HS6ST3: variants seen among roughly 807,000 people sequenced by gnomAD.
HS6ST3 encodes heparan-sulfate 6-O-sulfotransferase 3.
In HS6ST3, 12 loss-of-function variants were observed where a neutral mutation model predicts 36.7. The observed-to-expected ratio is 0.33, with a 90% CI of 0.21 to 0.53. The LOEUF (loss-of-function observed/expected upper bound fraction) is 0.53. Ranked by LOEUF, HS6ST3 falls within the 20% of genes least tolerant of loss-of-function variation. The pLI is 0.95. For missense variants in HS6ST3, 584 were observed against 640.9 expected, an observed-to-expected ratio of 0.91 and a Z score of 0.96; for synonymous variants, 240 against 257.5, an observed-to-expected ratio of 0.93 and a Z score of 0.65.
At position 96,489,630 on chromosome 13, in the gene HS6ST3, G is replaced by A. The variant is rs35786793; in HGVS notation, c.708-342860G>A. Among the ~76,000 whole-genome samples, 122 of 151,954 alleles carry A rather than the reference G, an allele frequency of 8.0e-4. 1 individual carries two copies. The highest frequency in any genetic ancestry group is 2.0e-3 in the African/African-American group (82 of 41,470). ...ATCATGTCTCTTTCTTTCTTTAGGC[G>A]AGGCTGTAAATGGTAAATAATATTA... On this transcript the variant is annotated intron_variant, in intron 1 of 1. Transcript: ENST00000376705.
At chr13:96,351,110 T>C (rs1315553935) in intron 1 of HS6ST3, among the ~76,000 whole-genome samples, 1 of 152,110 alleles carries the variant, frequency 6.6e-6, no homozygotes, top group African/African-American at 2.4e-5. Context: ...GAGAAATAAT[T>C]AATTATATTG....
intron 1 of HS6ST3, among the ~76,000 whole-genome samples, chr13:96,604,165 C>T (rs1336063376): frequency 6.6e-6 from 1 of 152,118 alleles, no homozygotes; most frequent in Non-Finnish European, 1.5e-5. Flanking sequence ...CGGCCATCTG[C>T]TCTTTTCTCC....
At chr13:96,686,512 G>GT (rs1421382059) in intron 1 of HS6ST3, among the ~76,000 whole-genome samples, 1 of 151,920 alleles carries the variant, frequency 6.6e-6, no homozygotes, top group Non-Finnish European at 1.5e-5. Context: ...TTTGATCATC[G>GT]TTTTTTATTG....
At chr13:96,425,432 A>G (rs2055581834) in intron 1 of HS6ST3, among the ~76,000 whole-genome samples, 2 of 152,212 alleles carry the variant, frequency 1.3e-5, no homozygotes, top group Non-Finnish European at 2.9e-5. Flanking sequence ...TGTTTATGCA[A>G]CAAAGAAGTT....
At chr13:96,212,167 A>G (rs769668734) in intron 1 of HS6ST3, among the ~76,000 whole-genome samples, 10 of 152,234 alleles carry the variant, frequency 6.6e-5, no homozygotes, top group Non-Finnish European at 1.5e-4. Context: ...AAATGTGGTG[A>G]GAGAGGAATT....
intron 1 of HS6ST3, among the ~76,000 whole-genome samples, chr13:96,224,630 A>G (rs995290838): frequency 6.6e-6 from 1 of 152,228 alleles, no homozygotes; most frequent in Middle Eastern, 3.2e-3. Context: ...GTCACCTTTT[A>G]GAAATTAACA....
intron 1 of HS6ST3, among the ~76,000 whole-genome samples, chr13:96,473,295 T>A (rs2055848174): frequency 6.6e-6 from 1 of 152,200 alleles, no homozygotes; most frequent in African/African-American, 2.4e-5. Context: ...GGGTGATGAG[T>A]GTAGCCACGA....
chr13:96,694,971 AC>A (rs1230413082), intron 1 of HS6ST3, among the ~76,000 whole-genome samples: 3 of 152,178 alleles, frequency 2.0e-5, no homozygotes, highest in Admixed American at 1.3e-4. Context: ...TCTTTAAAAA[AC>A]TTTTGGTCAA....
At chr13:96,666,783 T>C (rs1594831452) in intron 1 of HS6ST3, among the ~76,000 whole-genome samples, 1 of 152,180 alleles carries the variant, frequency 6.6e-6, no homozygotes, top group East Asian at 1.9e-4. Context: ...TATGCCTTCA[T>C]GAAAATAACT....
intron 1 of HS6ST3, among the ~76,000 whole-genome samples, chr13:96,367,029 C>A (rs571768778): frequency 1.4e-4 from 21 of 152,284 alleles, no homozygotes; most frequent in Admixed American, 9.8e-4. Flanking sequence ...CATTAAACCT[C>A]TTTTTCTTTA....
At chr13:96,450,765 T>C (rs1212284510) in intron 1 of HS6ST3, among the ~76,000 whole-genome samples, 1 of 152,194 alleles carries the variant, frequency 6.6e-6, no homozygotes, top group African/African-American at 2.4e-5. Flanking sequence ...CATTATGAAA[T>C]AGATGTGGCC....
At chr13:96,317,508 G>C (rs2054981844) in intron 1 of HS6ST3, among the ~76,000 whole-genome samples, 2 of 150,750 alleles carry the variant, frequency 1.3e-5, no homozygotes, top group African/African-American at 4.9e-5. Flanking sequence ...ATTGTGAACA[G>C]CATGGCAATG....
chr13:96,275,712 C>G (rs1012410798), intron 1 of HS6ST3, among the ~76,000 whole-genome samples: 1 of 152,130 alleles, frequency 6.6e-6, no homozygotes, highest in African/African-American at 2.4e-5. Flanking sequence ...TCTTTGAAAT[C>G]TTTGTTTCCT....
intron 1 of HS6ST3, among the ~76,000 whole-genome samples, chr13:96,496,927 G>A: frequency 6.6e-6 from 1 of 152,096 alleles, no homozygotes; most frequent in South Asian, 2.1e-4. Flanking sequence ...CACACATATA[G>A]GGATACCTCA....
chr13:96,163,508 C>T (rs943810795), intron 1 of HS6ST3, among the ~76,000 whole-genome samples: 8 of 152,100 alleles, frequency 5.3e-5, no homozygotes, highest in Admixed American at 5.2e-4. Context: ...GGATTACAGG[C>T]GTGAGCCACT....
chr13:96,585,269 C>T (rs1269252331), intron 1 of HS6ST3, among the ~76,000 whole-genome samples: 2 of 151,562 alleles, frequency 1.3e-5, no homozygotes, highest in South Asian at 2.1e-4. Context: ...TTAATGTAAA[C>T]TTAAAAAAAA....
At chr13:96,576,095 G>A (rs1594810432) in intron 1 of HS6ST3, among the ~76,000 whole-genome samples, 1 of 149,446 alleles carries the variant, frequency 6.7e-6, no homozygotes, top group East Asian at 2.0e-4. Flanking sequence ...GGGAGAGGGA[G>A]CGGGGGCACA....
At chr13:96,621,945 G>A (rs2056496572) in intron 1 of HS6ST3, among the ~76,000 whole-genome samples, 2 of 152,188 alleles carry the variant, frequency 1.3e-5, no homozygotes, top group Non-Finnish European at 2.9e-5. Context: ...TGGAGTTGAG[G>A]TGAAACTTAA....
At chr13:96,236,377 C>A (rs1471905969) in intron 1 of HS6ST3, among the ~76,000 whole-genome samples, 1 of 152,150 alleles carries the variant, frequency 6.6e-6, no homozygotes, top group Admixed American at 6.5e-5. Context: ...CACCCATTCA[C>A]TCATCCAACC....
Sources: allele counts gnomAD v4.1 joint callset (sites outside exome capture counted in the v4.1 genomes callset), GRCh38; gene constraint gnomAD v4.1.1; transcripts MANE v1.5; gene names NCBI Gene and HGNC (gene_info 2026-07-23, HGNC 2026-07-21).